Variants in NCAM2 observed in about 807,000 individuals in gnomAD.
NCAM2 encodes the protein N-CAM-2.
NCAM2 carries 30 observed loss-of-function variants against 98.1 expected under a neutral mutation model. That is an observed-to-expected ratio of 0.31 (90% CI 0.23 to 0.41). The LOEUF is 0.41. Among genes scored for constraint, NCAM2 ranks in the 10% least tolerant of loss-of-function variants. The pLI is 1.00. For missense variants in NCAM2, 867 were observed against 1,005.8 expected (o/e 0.86, Z 1.87); for synonymous variants, 368 against 342.4 (o/e 1.07, Z -0.83).
At chr21:21,244,261 G>GAAGAA (rs2071177580) in intron 1 of NCAM2, among the ~76,000 whole-genome samples, 1 of 151,708 alleles carries the variant, frequency 6.6e-6, no homozygotes, top group East Asian at 1.9e-4. Flanking sequence ...TTGCTCCCAA[G>GAAGAA]AAGAAAAGAA....
At chr21:21,451,922 C>T (rs140322827) in intron 12 of NCAM2, among the ~76,000 whole-genome samples, 135 of 151,938 alleles carry the variant, frequency 8.9e-4, no homozygotes, top group African/African-American at 3.0e-3. Context: ...TCTTTTTTCC[C>T]CATCTATTGG....
Position 21,412,575 on chromosome 21 carries a change from T to C in NCAM2, c.1383+2114T>C, listed in dbSNP as rs192035856. On this transcript the variant is annotated intron_variant, in intron 10 of 17. Transcript: ENST00000400546. Reference sequence around the variant, plus strand: ...CATTTTATACATACAACATAGTATATAGTGTATGCTATTTAAACTTCTGCC... The same window carrying C: ...CATTTTATACATACAACATAGTATACAGTGTATGCTATTTAAACTTCTGCC... Among the ~76,000 whole-genome samples, 143 of 152,288 alleles carry C rather than the reference T, an allele frequency of 9.4e-4. 1 individual carries two copies. Among genetic ancestry groups the C allele is most frequent in the Non-Finnish European group, 1.2e-3 (80 of 68,016 alleles).
intron 11 of NCAM2, among the ~76,000 whole-genome samples, chr21:21,427,318 A>G (rs2077236279): frequency 6.6e-6 from 1 of 152,208 alleles, no homozygotes; most frequent in Non-Finnish European, 1.5e-5. Context: ...GCTATCTGAT[A>G]AAGAAAAATT....
At position 21,501,506 on chromosome 21, in the gene NCAM2, A is replaced by T. The variant is rs1014059763; in HGVS notation, c.2078-7345A>T. Among the ~76,000 whole-genome samples, 12 of 152,018 alleles carry T rather than the reference A, an allele frequency of 7.9e-5. No homozygotes were observed. In the South Asian group the frequency reaches 1.2e-3, roughly 16 times the overall value. ...TGAAGTATAATATTTCTAAAGAGTTATGTTAATTTTATTAATTCTATTTTA... is the reference window on the plus strand; with the variant it reads ...TGAAGTATAATATTTCTAAAGAGTTTTGTTAATTTTATTAATTCTATTTTA... On this transcript the variant is annotated intron_variant, in intron 15 of 17. Coordinates refer to ENST00000400546, the MANE Select transcript of NCAM2 (RefSeq NM_004540.5).
At chr21:21,340,423 C>G (rs554576675) in intron 8 of NCAM2, among the ~76,000 whole-genome samples, 2 of 151,934 alleles carry the variant, frequency 1.3e-5, no homozygotes, top group African/African-American at 2.4e-5. Flanking sequence ...ATGCCTCAGG[C>G]CACCCCAAAC....
chr21:21,403,950 A>T (rs1041879986), intron 9 of NCAM2, among the ~76,000 whole-genome samples: 5 of 152,110 alleles, frequency 3.3e-5, no homozygotes, highest in Non-Finnish European at 7.4e-5. Context: ...AAATAAAAAT[A>T]AAGTCACTAT....
chr21:21,507,146 T>A (rs951542253), intron 15 of NCAM2, among the ~76,000 whole-genome samples: 2 of 152,110 alleles, frequency 1.3e-5, no homozygotes, highest in African/African-American at 4.8e-5. Context: ...TGACACTCAG[T>A]CATCCTACAG....
intron 16 of NCAM2, among the ~76,000 whole-genome samples, chr21:21,523,963 T>C (rs1569137701): frequency 6.6e-6 from 1 of 151,584 alleles, no homozygotes; most frequent in African/African-American, 2.4e-5. Context: ...AAAATTATAA[T>C]TATCTAAATA....
chr21:21,530,288 TTATATA>T (rs1316358063), intron 16 of NCAM2, among the ~76,000 whole-genome samples: 1 of 126,312 alleles, frequency 7.9e-6, no homozygotes, highest in Non-Finnish European at 1.6e-5. Context: ...TTTAATTTAA[TTATATA>T]TAATTAAATT....
At chr21:21,092,060 A>T (rs1006222496) in intron 1 of NCAM2, among the ~76,000 whole-genome samples, 1 of 152,148 alleles carries the variant, frequency 6.6e-6, no homozygotes, top group African/African-American at 2.4e-5. Flanking sequence ...AATTTCTGTT[A>T]GAAATATTTA....
intron 10 of NCAM2, among the ~76,000 whole-genome samples, chr21:21,415,828 C>A (rs1462727425): frequency 6.6e-6 from 1 of 152,204 alleles, no homozygotes; most frequent in Non-Finnish European, 1.5e-5. Context: ...TAGATCTTTG[C>A]TCTGGCTTGG....
chr21:21,329,906 C>G (rs1232206506), intron 6 of NCAM2, among the ~76,000 whole-genome samples: 1 of 152,000 alleles, frequency 6.6e-6, no homozygotes, highest in Non-Finnish European at 1.5e-5. Context: ...AGGAATTTGT[C>G]CATTTCTTTT....
intron 9 of NCAM2, among the ~76,000 whole-genome samples, chr21:21,392,508 G>GT (rs1225957744): frequency 6.6e-6 from 1 of 152,046 alleles, no homozygotes; most frequent in African/African-American, 2.4e-5. Context: ...CTGTCTTTAG[G>GT]TTTTGAAGAA....
intron 9 of NCAM2, among the ~76,000 whole-genome samples, chr21:21,400,502 A>T (rs533205401): frequency 1.3e-5 from 2 of 152,120 alleles, no homozygotes. Flanking sequence ...TTAAGATAAT[A>T]CATTTACCAC....
intron 1 of NCAM2, among the ~76,000 whole-genome samples, chr21:21,219,832 C>T (rs936981843): frequency 7.2e-5 from 11 of 152,078 alleles, no homozygotes; most frequent in East Asian, 3.9e-4. Context: ...CAGTGGGACA[C>T]GGTGTGGAGG....
At chr21:21,404,840 A>G (rs1321210939) in intron 9 of NCAM2, among the ~76,000 whole-genome samples, 2 of 151,684 alleles carry the variant, frequency 1.3e-5, no homozygotes, top group Non-Finnish European at 2.9e-5. Flanking sequence ...ATATGTGCAC[A>G]CACTTTACAG....
chr21:21,188,117 T>C (rs1325101878), intron 1 of NCAM2, among the ~76,000 whole-genome samples: 2 of 152,166 alleles, frequency 1.3e-5, no homozygotes, highest in Non-Finnish European at 2.9e-5. Context: ...CTTTTATTGT[T>C]CTGTAATATT....
chr21:21,040,182 A>G (rs1280424244), intron 1 of NCAM2, among the ~76,000 whole-genome samples: 4 of 152,208 alleles, frequency 2.6e-5, no homozygotes, highest in East Asian at 3.8e-4. Context: ...AAAAAACTGT[A>G]GAGGATATCT....
At chr21:21,281,872 TATA>T (rs2072941523) in intron 2 of NCAM2, among the ~76,000 whole-genome samples, 1 of 151,586 alleles carries the variant, frequency 6.6e-6, no homozygotes, top group Non-Finnish European at 1.5e-5. Context: ...AATATAGAGA[TATA>T]ATATTTTATA....
Sources: allele counts gnomAD v4.1 joint callset (sites outside exome capture counted in the v4.1 genomes callset), GRCh38; gene constraint gnomAD v4.1.1; transcripts MANE v1.5; gene names NCBI Gene and HGNC (gene_info 2026-07-23, HGNC 2026-07-21).